The following PITPNC1 variants were observed in gnomAD, a reference collection of about 807,000 sequenced individuals.
The protein encoded by PITPNC1 is cytoplasmic phosphatidylinositol transfer protein 1.
A neutral mutation model predicts 44.7 loss-of-function variants in PITPNC1; 18 were observed. That is an observed-to-expected ratio of 0.40 (90% confidence interval 0.28 to 0.60). PITPNC1 has a LOEUF of 0.60. Ranked by LOEUF, PITPNC1 falls within the 20% of genes least tolerant of loss-of-function variation. The pLI is 0.39. For synonymous variants in PITPNC1, 141 were observed against 149.6 expected, an observed-to-expected ratio of 0.94 and a Z score of 0.42; for missense variants, 290 against 418.4, an observed-to-expected ratio of 0.69 and a Z score of 2.68.
intron 1 of PITPNC1, among the ~76,000 whole-genome samples, chr17:67,503,144 T>C (rs965280153): frequency 1.3e-5 from 2 of 152,060 alleles, no homozygotes; most frequent in South Asian, 2.1e-4. Flanking sequence ...ACATATTTGT[T>C]GTGTAGAGTT....
At chr17:67,610,305 C>T (rs1015947137) in intron 5 of PITPNC1, among the ~76,000 whole-genome samples, 7 of 152,188 alleles carry the variant, frequency 4.6e-5, no homozygotes, top group African/African-American at 1.7e-4. Flanking sequence ...AGGGCCTGTT[C>T]TGTGCAAGGA....
At chr17:67,515,427 A>T (rs2040247663) in intron 1 of PITPNC1, among the ~76,000 whole-genome samples, 1 of 152,218 alleles carries the variant, frequency 6.6e-6, no homozygotes, top group Admixed American at 6.5e-5. Context: ...TAGGATATAG[A>T]CAGGAACTTA....
chr17:67,631,657 A>AAAAAATATATATAT lies in PITPNC1; in HGVS notation c.367-485_367-484insAAAATATATATATA, dbSNP rs1555574522. 5.2e-4 allele frequency among the ~76,000 whole-genome samples: 4 copies of AAAAAATATATATAT among 7,680 alleles called. No homozygotes were observed. In the East Asian group the frequency reaches 7.5e-3, roughly 14 times the overall value. The allele number at this position is 7,680 out of a possible 152,430, so 5.0% of individuals were successfully genotyped here. On this transcript the variant is annotated intron_variant, in intron 5 of 8. Transcript: ENST00000581322. ...AACCAAAAAAAAAAAAAAAAAAAAAAATATATATATATATAAAATATATAT... is the reference window on the plus strand; with the variant it reads ...AACCAAAAAAAAAAAAAAAAAAAAAAAAAAATATATATATATATATATATATATAAAATATATAT...
At chr17:67,466,502 C>T (rs935570151) in intron 1 of PITPNC1, among the ~76,000 whole-genome samples, 2 of 152,162 alleles carry the variant, frequency 1.3e-5, no homozygotes, top group African/African-American at 4.8e-5. Context: ...GCAGGGCCCT[C>T]CCACACGACC....
At chr17:67,596,059 CA>C (rs1317562737) in intron 5 of PITPNC1, among the ~76,000 whole-genome samples, 2 of 152,194 alleles carry the variant, frequency 1.3e-5, no homozygotes, top group African/African-American at 4.8e-5. Flanking sequence ...ATCATTCCTA[CA>C]AAGGTTCAGA....
chr17:67,546,150 C>T (rs2040678734), intron 2 of PITPNC1, among the ~76,000 whole-genome samples: 1 of 150,090 alleles, frequency 6.7e-6, no homozygotes, highest in Non-Finnish European at 1.5e-5. Context: ...GCACTCCAGC[C>T]TGGGTGACAA....
chr17:67,538,269 A>G (rs566336351), intron 2 of PITPNC1, among the ~76,000 whole-genome samples: 185 of 152,260 alleles, frequency 1.2e-3, no homozygotes, highest in African/African-American at 4.1e-3. Flanking sequence ...TTCTAATTGG[A>G]AGAATGACTA....
At chr17:67,605,853 G>A (rs777833255) in intron 5 of PITPNC1, among the ~76,000 whole-genome samples, 8 of 152,316 alleles carry the variant, frequency 5.3e-5, no homozygotes, top group Non-Finnish European at 1.2e-4. Context: ...AGTTAAGAGA[G>A]CATCGTACTG....
At chr17:67,380,827 G>A (rs889398732) in intron 1 of PITPNC1, among the ~76,000 whole-genome samples, 2 of 152,014 alleles carry the variant, frequency 1.3e-5, no homozygotes, top group African/African-American at 2.4e-5. Flanking sequence ...AGGCTGGAGT[G>A]CAGTGGCGTG....
chr17:67,685,499 C>A (rs1395681803), intron 8 of PITPNC1, among the ~76,000 whole-genome samples: 2 of 152,184 alleles, frequency 1.3e-5, no homozygotes, highest in Non-Finnish European at 2.9e-5. Flanking sequence ...TAAAAAGACA[C>A]CAAACCACAT....
intron 5 of PITPNC1, among the ~76,000 whole-genome samples, chr17:67,606,552 G>T (rs958990136): frequency 6.6e-6 from 1 of 152,212 alleles, no homozygotes; most frequent in African/African-American, 2.4e-5. Context: ...GGATGACGAG[G>T]CGTAAAGTGA....
chr17:67,429,955 A>T (rs2038831789), intron 1 of PITPNC1, among the ~76,000 whole-genome samples: 1 of 152,236 alleles, frequency 6.6e-6, no homozygotes, highest in African/African-American at 2.4e-5. Context: ...GAACCTGTGC[A>T]CTAGCATTTA....
rs749024248 is a variant in PITPNC1 at position 67,447,089 on chromosome 17, C to CAAAAAAAAAAAAA, written c.48+68902_48+68914dup. On this transcript the variant is annotated intron_variant, in intron 1 of 8. Transcript: ENST00000581322. ...TGGGCCATAGAGTGAGACTCTGTCT[C>CAAAAAAAAAAAAA]AAAAAAAAAAAAAAAAAAAAAAAAA... 5.7e-5 allele frequency among the ~76,000 whole-genome samples: 2 copies of CAAAAAAAAAAAAA among 35,344 alleles called. 1 individual carries two copies. Among genetic ancestry groups the CAAAAAAAAAAAAA allele is most frequent in the Non-Finnish European group, 1.0e-4 (2 of 19,638 alleles). The allele number at this position is 35,344 out of a possible 152,430, so 23.2% of individuals were successfully genotyped here.
At chr17:67,638,620 G>A (rs1444993179) in intron 6 of PITPNC1, 1 of 152,218 alleles carries the variant, frequency 6.6e-6, no homozygotes, top group Non-Finnish European at 1.5e-5. Context: ...AGGGTTTTGT[G>A]TGTGTGTGCT....
intron 6 of PITPNC1, among the ~76,000 whole-genome samples, chr17:67,642,303 G>T (rs1254050346): frequency 6.6e-6 from 1 of 152,132 alleles, no homozygotes; most frequent in African/African-American, 2.4e-5. Context: ...AAAAGCAGGG[G>T]TTATCAGCAA....
chr17:67,382,100 G>A (rs893927800), intron 1 of PITPNC1, among the ~76,000 whole-genome samples: 1 of 152,174 alleles, frequency 6.6e-6, no homozygotes, highest in Non-Finnish European at 1.5e-5. Flanking sequence ...CCTGTCACTA[G>A]TGTTTAATCC....
intron 1 of PITPNC1, among the ~76,000 whole-genome samples, chr17:67,506,117 C>T (rs189220458): frequency 1.3e-5 from 2 of 152,040 alleles, no homozygotes; most frequent in Admixed American, 1.3e-4. Flanking sequence ...CTTGGGCTGG[C>T]GAGATATTAC....
At position 67,403,218 on chromosome 17, in the gene PITPNC1, C is replaced by CAAAAAAAAAAAAAA. The variant is rs34768084; in HGVS notation, c.48+25026_48+25039dup. On this transcript the variant is annotated intron_variant, in intron 1 of 8. Transcript: ENST00000581322. ...GGCAACACAGTGGACCTCATCTCTA[C>CAAAAAAAAAAAAAA]AAAAAAAAAAAAAAAAAAAAAAAGT... Among the ~76,000 whole-genome samples, 45 of 68,962 alleles carry CAAAAAAAAAAAAAA rather than the reference C, an allele frequency of 6.5e-4. 2 individuals are homozygous for CAAAAAAAAAAAAAA. The highest frequency in any genetic ancestry group is 1.8e-3 in the African/African-American group (34 of 19,118). 45.2% of individuals were successfully genotyped at this position (68,962 alleles called of 152,430 possible). A position where few individuals can be genotyped will look rare whatever the true frequency, so the allele number is the denominator to read the frequency against.
intron 1 of PITPNC1, among the ~76,000 whole-genome samples, chr17:67,513,389 A>ATATCTG (rs1568021449): frequency 6.7e-6 from 1 of 148,484 alleles, no homozygotes; most frequent in African/African-American, 2.5e-5. Flanking sequence ...ATCTATATCT[A>ATATCTG]TATCTATATC....
Sources: allele counts gnomAD v4.1 joint callset (sites outside exome capture counted in the v4.1 genomes callset), GRCh38; gene constraint gnomAD v4.1.1; transcripts MANE v1.5; gene names NCBI Gene and HGNC (gene_info 2026-07-23, HGNC 2026-07-21).